ADGRE5: variants seen among roughly 807,000 people sequenced by gnomAD.
ADGRE5 encodes the protein adhesion G protein-coupled receptor E5.
Under a neutral mutation model 100.3 loss-of-function variants are expected in ADGRE5, and 72 were observed. The observed-to-expected ratio is 0.72, with a 90% CI of 0.59 to 0.87. The LOEUF (loss-of-function observed/expected upper bound fraction) is 0.87, where lower values mean the gene tolerates loss of function less well. Ranked by LOEUF, ADGRE5 falls within the 40% of genes least tolerant of loss-of-function variation. The probability of loss-of-function intolerance (pLI) is 0.00; values close to 1 mark genes in which losing one functional copy is unlikely to be tolerated. For synonymous variants in ADGRE5, 439 were observed against 447.8 expected, an observed-to-expected ratio of 0.98 and a Z score of 0.25; for missense variants, 959 against 1,094.7, an observed-to-expected ratio of 0.88 and a Z score of 1.75.
chr19:14,393,902 G>A (rs1162398039), intron 4 of ADGRE5, among the ~76,000 whole-genome samples: 3 of 152,136 alleles, frequency 2.0e-5, no homozygotes, highest in African/African-American at 4.8e-5. Flanking sequence ...CCCCTCTCCC[G>A]GTGGATACAT....
chr19:14,404,305 C>G (rs1299588952), intron 12 of ADGRE5, 78 bp from the exon 13 acceptor site: 1 of 1,387,962 alleles, frequency 7.2e-7, no homozygotes, highest in Non-Finnish European at 9.8e-7. Flanking sequence ...AAAAGCAGCC[C>G]TCTTAGACTC....
At chr19:14,394,890 A>G (rs1231579868) in intron 4 of ADGRE5, among the ~76,000 whole-genome samples, 1 of 152,026 alleles carries the variant, frequency 6.6e-6, no homozygotes, top group Non-Finnish European at 1.5e-5. Flanking sequence ...CCATTTCCCC[A>G]TCCAAGGCTC....
intron 13 of ADGRE5, chr19:14,404,994 C>G (rs1363746101): frequency 5.8e-6 from 1 of 173,802 alleles, no homozygotes; most frequent in Non-Finnish European, 1.2e-5. Context: ...CAGGCGTGCA[C>G]CACCATGCCT....
rs368193346 is a variant in ADGRE5, at chr19:14,391,000, C to T, written c.267C>T (p.Tyr89=). Residue 89 remains tyrosine, a synonymous_variant, in exon 4 of 20, where the codon TAC becomes TAT. Transcript: ENST00000242786. ...FSDCWNTEGS[Y]DCVCSPGYEP... ...ACTGCTGGAACACAGAGGGGAGCTA[C>T]GACTGCGTGTGCAGCCCGGGATATG... 34 of 1,614,084 alleles carry T rather than the reference C, an allele frequency of 2.1e-5. No homozygotes were observed. The highest frequency in any genetic ancestry group is 6.7e-5 in the Admixed American group (4 of 60,000).
rs769608568 is a variant in ADGRE5 at position 14,398,052 on chromosome 19, C to T, written c.820-10C>T. The T allele has an allele frequency of 6.2e-7, 1 of 1,613,664 alleles. No homozygotes were observed. Among genetic ancestry groups the T allele is most frequent in the Non-Finnish European group, 8.5e-7 (1 of 1,179,876 alleles). ...AGGCTCTCTGACCCCCACATCTCCT[C>T]TCTCTGCAGACGCTTTCCCGATTCT... On this transcript the variant is annotated splice_polypyrimidine_tract_variant and intron_variant, in intron 8 of 19. Coordinates refer to ENST00000242786, the MANE Select transcript of ADGRE5 (RefSeq NM_078481.4).
chr19:14,388,307 A>T (rs936160158), intron 1 of ADGRE5, 143 bp from the exon 2 acceptor site: 1 of 1,436,144 alleles, frequency 7.0e-7, no homozygotes, highest in East Asian at 2.5e-5. Flanking sequence ...TCTGAGTGGG[A>T]CATGACATCT....
rs765708033 is a variant in ADGRE5 at position 14,388,475 on chromosome 19, G to A, written c.48G>A (p.Pro16=). ...FLAFCVWLTL[P]GAETQDSRGC... is the part of the protein sequence containing the mutation. ...CATTCTGTGTCTGGCTGACTCTGCC[G>A]GGAGCTGAAACCCAGGACTCCAGGG... The change falls in exon 2 of 20, where the codon CCG becomes CCA. Residue 16 remains proline (P), a synonymous_variant. Transcript: ENST00000242786. The A allele has an allele frequency of 1.9e-5, 30 of 1,601,204 alleles. No individual in the cohort carries two copies. In the South Asian group the frequency reaches 2.0e-4, roughly 11 times the overall value.
In ADGRE5 at chr19:14,396,112, C is replaced by T. The variant is rs11879124; in HGVS notation, c.347-230C>T. 3,049 of 650,172 alleles carry T rather than the reference C, an allele frequency of 4.7e-3. 74 individuals carry two copies. The African/African-American group carries it at 0.051, about 11-fold the overall frequency. The allele number at this position is 650,172 out of a possible 1,614,324, so 40.3% of individuals were successfully genotyped here. A position where few individuals can be genotyped will look rare whatever the true frequency, so the allele number is the denominator to read the frequency against. On this transcript the variant is annotated intron_variant, in intron 4 of 19. Coordinates refer to ENST00000242786, the MANE Select transcript of ADGRE5 (RefSeq NM_078481.4). ...ATGGCTGGGACACCCCAGCTTGGAG[C>T]TGCCCAGGAAGGCAGAGGAGAAGGG...
chr19:14,405,530 G>T, intron 13 of ADGRE5: 2 of 511,696 alleles, frequency 3.9e-6, no homozygotes, highest in Non-Finnish European at 6.9e-6. Context: ...AGGCAGAGAA[G>T]GGGGGCGCCT....
intron 1 of ADGRE5, among the ~76,000 whole-genome samples, chr19:14,384,080 T>C (rs958196907): frequency 7.2e-5 from 11 of 151,988 alleles, no homozygotes; most frequent in African/African-American, 2.7e-4. Flanking sequence ...GGAGGTCATT[T>C]TGTGGTCTGT....
At chr19:14,386,247 T>C (rs1240231480) in intron 1 of ADGRE5, among the ~76,000 whole-genome samples, 4 of 150,228 alleles carry the variant, frequency 2.7e-5, no homozygotes, top group East Asian at 2.0e-4. Flanking sequence ...GGCGTGGTGG[T>C]GGGCGCCAGT....
At chr19:14,402,054 C>G (rs1976034249) in intron 11 of ADGRE5, among the ~76,000 whole-genome samples, 1 of 151,804 alleles carries the variant, frequency 6.6e-6, no homozygotes, top group South Asian at 2.1e-4. Flanking sequence ...TCAATTGAGC[C>G]CGGGAGGTCA....
At chr19:14,396,242 T>C in intron 4 of ADGRE5, 100 bp from the exon 5 acceptor site, 2 of 1,607,686 alleles carry the variant, frequency 1.2e-6, no homozygotes, top group Non-Finnish European at 1.7e-6. Flanking sequence ...GAGACAGTGG[T>C]GCCTTCCAGA....
At chr19:14,382,546 A>G (rs1174563046) in intron 1 of ADGRE5, among the ~76,000 whole-genome samples, 2 of 152,114 alleles carry the variant, frequency 1.3e-5, no homozygotes, top group African/African-American at 4.8e-5. Context: ...CCTGGTTCAC[A>G]GTAAGAATTA....
chr19:14,388,394 C>A (rs867460608), intron 1 of ADGRE5, 56 bp from the exon 2 acceptor site: 1 of 1,426,726 alleles, frequency 7.0e-7, no homozygotes, highest in South Asian at 1.4e-5. Context: ...ATCACCCTTA[C>A]GCCTCCTTTC....
chr19:14,400,240 T>C (rs1975956294), intron 9 of ADGRE5, among the ~76,000 whole-genome samples: 1 of 151,964 alleles, frequency 6.6e-6, no homozygotes. Flanking sequence ...CAGGATGGTC[T>C]CGATCTCCTG....
rs1467165771 is a variant in ADGRE5 at position 14,401,214 on chromosome 19, A to G, written c.898-172A>G. 1.3e-5 allele frequency among the ~76,000 whole-genome samples: 2 copies of G among 152,224 alleles called. No homozygotes were observed. The highest frequency in any genetic ancestry group is 1.3e-4 in the Admixed American group (2 of 15,280). ...GTTAAGCGCTGTGATTCATACGTGC[A>G]TGCAGGCAAATACTCAATCCGTCGC... is the stretch of plus-strand genomic sequence containing the variant. On this transcript the variant is annotated intron_variant, in intron 9 of 19. Transcript: ENST00000242786. This position sits in a 1 kb window ranked among gnomAD's most constrained non-coding sequence, Gnocchi z 4.1.
chr19:14,391,432 A>T (rs1184743562), intron 4 of ADGRE5: 1 of 278,934 alleles, frequency 3.6e-6, no homozygotes. Flanking sequence ...TGAGGCCAGG[A>T]GTTCAAGACC....
intron 3 of ADGRE5, 22 bp from the exon 4 acceptor site, chr19:14,390,902 T>C (rs748459294): frequency 1.2e-6 from 2 of 1,612,264 alleles, no homozygotes; most frequent in East Asian, 2.2e-5. Flanking sequence ...GGGAGGTGAC[T>C]CCCTGTCCTG....
Sources: gnomAD v4.1 joint callset for allele counts (sites outside exome capture counted in the v4.1 genomes callset) on GRCh38, gnomAD v4.1.1 for gene constraint, Gnocchi (gnomAD v3.1) non-coding constraint, MANE v1.5 for transcripts, NCBI Gene and HGNC (gene_info 2026-07-23, HGNC 2026-07-21) for gene names.